The following NEBL variants were observed in gnomAD, a reference collection of about 807,000 sequenced individuals.
NEBL encodes the protein nebulette, also known as LIM and SH3 protein 2.
In NEBL, 122 loss-of-function variants were observed where a neutral mutation model predicts 140.2. That is an observed-to-expected ratio of 0.87 (90% CI 0.75 to 1.01). The LOEUF (loss-of-function observed/expected upper bound fraction) is 1.01. Among genes scored for constraint, NEBL ranks in the 50% least tolerant of loss-of-function variants. The probability of loss-of-function intolerance (pLI) is 0.00; values close to 1 mark genes in which losing one functional copy is unlikely to be tolerated. For missense variants in NEBL, 1,365 were observed against 1,231.3 expected (o/e 1.11, Z -1.62); for synonymous variants, 436 against 398.9 (o/e 1.09, Z -1.11).
intron 4 of NEBL, among the ~76,000 whole-genome samples, chr10:20,924,190 C>T (rs72793932): frequency 0.085 from 12,973 of 151,996 alleles, 612 homozygotes; most frequent in Middle Eastern, 0.12. Context: ...ATTAGAGGCT[C>T]TTATTGGCAT....
intron 13 of NEBL, among the ~76,000 whole-genome samples, chr10:20,838,339 C>T (rs1023652415): frequency 3.9e-5 from 6 of 152,110 alleles, no homozygotes; most frequent in Non-Finnish European, 7.3e-5. Flanking sequence ...GTGGAGGAAG[C>T]AACTGCAGAT....
At chr10:20,828,721 G>A (rs1337982840) in intron 16 of NEBL, 87 bp from the exon 17 acceptor site, 2 of 843,710 alleles carry the variant, frequency 2.4e-6, no homozygotes, top group South Asian at 1.4e-5. Flanking sequence ...AAGGAGGAAG[G>A]GAGAGAGAGA....
intron 2 of NEBL, among the ~76,000 whole-genome samples, chr10:21,143,275 C>T (rs575812631): frequency 4.6e-5 from 7 of 151,654 alleles, no homozygotes; most frequent in Non-Finnish European, 1.5e-5. Context: ...ATGGCGAAAC[C>T]CTGTCTCTCC....
At chr10:21,125,815 T>C (rs1838798236) in intron 2 of NEBL, 1 of 1,591,100 alleles carries the variant, frequency 6.3e-7, no homozygotes, top group Admixed American at 1.7e-5. Context: ...ACAGTGTCCT[T>C]CAGACATTTA....
At chr10:20,835,741 C>A in intron 13 of NEBL, 118 bp from the exon 14 acceptor site, 1 of 755,426 alleles carries the variant, frequency 1.3e-6, no homozygotes. Flanking sequence ...AACAAAGCTC[C>A]TTGAGTACTA....
At chr10:20,918,161 C>G (rs1054288005) in intron 4 of NEBL, among the ~76,000 whole-genome samples, 1 of 152,028 alleles carries the variant, frequency 6.6e-6, no homozygotes, top group Non-Finnish European at 1.5e-5. Context: ...GAGTTAAAGA[C>G]CAGCCTGGCC....
chr10:21,183,724 A>G (rs1841421819), intron 3 of NEBL, among the ~76,000 whole-genome samples: 1 of 152,118 alleles, frequency 6.6e-6, no homozygotes, highest in Non-Finnish European at 1.5e-5. Context: ...GGCCGGACAT[A>G]AGGAGGACAT....
At chr10:20,827,726 A>G (rs7913981) in intron 17 of NEBL, among the ~76,000 whole-genome samples, 71,255 of 152,010 alleles carry the variant, frequency 0.47, 17,950 homozygotes, top group East Asian at 0.65. Flanking sequence ...TATACACCAC[A>G]GAATACCATG....
chr10:21,042,613 C>A lies in NEBL; in HGVS notation c.165-22412G>T, dbSNP rs191698990. ...TGTGCCTTTGCACTGTTCTTTCCAA[C>A]TTCAGATCATGTAATGCCAGCTTGA... On this transcript the variant is annotated intron_variant, in intron 2 of 6. Coordinates refer to the NEBL transcript ENST00000417816. 6.6e-5 allele frequency among the ~76,000 whole-genome samples: 10 copies of A among 152,336 alleles called. No individual in the cohort carries two copies. In the East Asian group the frequency reaches 1.9e-3, roughly 29 times the overall value.
chr10:20,924,609 G>T (rs1489122433), intron 4 of NEBL, among the ~76,000 whole-genome samples: 1 of 151,494 alleles, frequency 6.6e-6, no homozygotes, highest in Non-Finnish European at 1.5e-5. Context: ...TGAAATGAGT[G>T]AGAATGTGAA....
At chr10:20,964,561 G>A (rs1836202583) in intron 3 of NEBL, among the ~76,000 whole-genome samples, 1 of 151,966 alleles carries the variant, frequency 6.6e-6, no homozygotes, top group Non-Finnish European at 1.5e-5. Context: ...TTGTGGGGAG[G>A]GCAAAAAGCC....
At position 21,078,392 on chromosome 10, in the gene NEBL, TA is replaced by T. The variant is rs1306473370; in HGVS notation, c.165-58192del. 5.3e-5 allele frequency among the ~76,000 whole-genome samples: 8 copies of T among 152,308 alleles called. No homozygotes were observed. In the East Asian group the frequency reaches 1.5e-3, roughly 29 times the overall value. On this transcript the variant is annotated intron_variant, in intron 2 of 6. Coordinates refer to the NEBL transcript ENST00000417816. The stretch of plus-strand genomic sequence containing the variant: ...TGATCAGAAAAAGAAATACTCTAAA[TA>T]AAAAACAAAAAGGTTACAGACTGTA...
At chr10:20,918,489 G>A (rs1833416225) in intron 4 of NEBL, among the ~76,000 whole-genome samples, 1 of 152,144 alleles carries the variant, frequency 6.6e-6, no homozygotes, top group African/African-American at 2.4e-5. Flanking sequence ...TGAGTTTTGT[G>A]ATAATTAAAT....
rs150654596 is a variant in NEBL, at chr10:21,122,160, G to C, written c.164+50223C>G. Among the ~76,000 whole-genome samples, 255 of 152,060 alleles carry C rather than the reference G, an allele frequency of 1.7e-3. 9 individuals carry two copies. The East Asian group carries it at 0.044, about 26-fold the overall frequency. Reference sequence around the variant, plus strand: ...CCTGCCTCAGCCTGCCAAGTAGCTGGGATTACAGGCACCTACCACCATGCC... The same window carrying C: ...CCTGCCTCAGCCTGCCAAGTAGCTGCGATTACAGGCACCTACCACCATGCC... On this transcript the variant is annotated intron_variant, in intron 2 of 6. Transcript: ENST00000417816.
At position 20,858,359 on chromosome 10, in the gene NEBL, T is replaced by G. The variant is rs371051911; in HGVS notation, c.799-15A>C. 3.9e-6 allele frequency: 6 copies of G among 1,526,698 alleles called. No individual in the cohort carries two copies. The African/African-American group carries it at 8.2e-5, about 21-fold the overall frequency. The allele number at this position is 1,526,698 out of a possible 1,614,324, so 94.6% of individuals were successfully genotyped here. A position where few individuals can be genotyped will look rare whatever the true frequency, so the allele number is the denominator to read the frequency against. ...TTGTACTTCACCTATGAAAATAACATGGAACAAAATACCATCGAGGAGAAG... is the reference window on the plus strand; with the variant it reads ...TTGTACTTCACCTATGAAAATAACAGGGAACAAAATACCATCGAGGAGAAG... On this transcript the variant is annotated splice_polypyrimidine_tract_variant and intron_variant, in intron 8 of 27. Transcript: ENST00000377122.
intron 2 of NEBL, among the ~76,000 whole-genome samples, chr10:21,168,960 A>G (rs1260630517): frequency 6.7e-6 from 1 of 149,074 alleles, no homozygotes; most frequent in Non-Finnish European, 1.5e-5. Flanking sequence ...GAGGCAGCAG[A>G]ATGGCATGAA....
chr10:21,237,353 A>C (rs1050234635), intron 3 of NEBL, among the ~76,000 whole-genome samples: 1 of 147,338 alleles, frequency 6.8e-6, no homozygotes, highest in Admixed American at 6.8e-5. Context: ...TACAGGCGCA[A>C]GCCACCACAC....
intron 4 of NEBL, among the ~76,000 whole-genome samples, chr10:20,925,114 G>A (rs147516110): frequency 1.3e-5 from 2 of 151,958 alleles, no homozygotes; most frequent in Non-Finnish European, 2.9e-5. Flanking sequence ...AGATCCCCCA[G>A]GCTCCTTTTG....
At chr10:21,088,121 A>G (rs1836729723) in intron 2 of NEBL, among the ~76,000 whole-genome samples, 1 of 152,122 alleles carries the variant, frequency 6.6e-6, no homozygotes, top group Non-Finnish European at 1.5e-5. Context: ...CTGGGTCTAC[A>G]TTCTCACCCT....
Sources: gnomAD v4.1 joint callset for allele counts (sites outside exome capture counted in the v4.1 genomes callset) on GRCh38, gnomAD v4.1.1 for gene constraint, MANE v1.5 for transcripts, NCBI Gene and HGNC (gene_info 2026-07-23, HGNC 2026-07-21) for gene names.